Variants in MTDH observed in about 807,000 individuals in gnomAD.
MTDH encodes metadherin, also known as protein LYRIC.
In MTDH, 34 loss-of-function variants were observed where a neutral mutation model predicts 72.7. The ratio of observed to expected loss-of-function variants is 0.47; its 90% CI spans 0.36 to 0.62. The LOEUF is 0.62. Ranked by LOEUF, MTDH falls within the 20% of genes least tolerant of loss-of-function variation. The pLI, the probability that MTDH is intolerant of heterozygous loss-of-function variation, is 0.00. For synonymous variants in MTDH, 266 were observed against 268.9 expected, an observed-to-expected ratio of 0.99 and a Z score of 0.10; for missense variants, 677 against 699.4, an observed-to-expected ratio of 0.97 and a Z score of 0.36.
chr8:97,697,150 A>ATATATTTT, intron 6 of MTDH, among the ~76,000 whole-genome samples: 3 of 68,798 alleles, frequency 4.4e-5, no homozygotes, highest in African/African-American at 2.7e-4. Flanking sequence ...ATATATATAT[A>ATATATTTT]TTTTTTTTTT....
At chr8:97,707,310 C>T (rs558637042) in intron 8 of MTDH, among the ~76,000 whole-genome samples, 47 of 151,802 alleles carry the variant, frequency 3.1e-4, no homozygotes, top group African/African-American at 9.9e-4. Flanking sequence ...ACACTATGCC[C>T]GGCTAATTTT....
intron 8 of MTDH, among the ~76,000 whole-genome samples, chr8:97,707,152 C>CTTTT (rs575001649): frequency 2.3e-5 from 3 of 131,206 alleles, no homozygotes; most frequent in Non-Finnish European, 5.0e-5. Flanking sequence ...GTCTTTTTTT[C>CTTTT]TTTTTTTTTT....
chr8:97,657,355 G>C (rs1224428444), intron 1 of MTDH, among the ~76,000 whole-genome samples: 2 of 152,180 alleles, frequency 1.3e-5, no homozygotes, highest in African/African-American at 4.8e-5. Context: ...AAATAACTTT[G>C]ATTGGCCCTG....
chr8:97,711,801 A>G (rs1165169790), intron 8 of MTDH, among the ~76,000 whole-genome samples: 6 of 152,220 alleles, frequency 3.9e-5, no homozygotes, highest in Non-Finnish European at 7.3e-5. Context: ...ATTTACTGTA[A>G]TAAAAGTTAT....
intron 8 of MTDH, among the ~76,000 whole-genome samples, chr8:97,708,482 A>G (rs1294957628): frequency 7.9e-6 from 1 of 126,014 alleles, no homozygotes; most frequent in African/African-American, 3.4e-5. Context: ...GGTTTTTGCC[A>G]TGTTAGCCAG....
chr8:97,705,021 G>A (rs1814290073), intron 7 of MTDH, among the ~76,000 whole-genome samples: 1 of 152,266 alleles, frequency 6.6e-6, no homozygotes, highest in South Asian at 2.1e-4. Flanking sequence ...GAGTAAGGCC[G>A]GGCACAGTGG....
In MTDH at chr8:97,645,302, C is replaced by CT. The variant is rs1811524381; in HGVS notation, c.381+416dup. 2.6e-5 allele frequency among the ~76,000 whole-genome samples: 4 copies of CT among 152,290 alleles called. No individual in the cohort carries two copies. In the South Asian group the frequency reaches 8.3e-4, roughly 32 times the overall value. ...AAGACTGCGCTCGGAAGACAGATGT[C>CT]TATCTCAAGTCACATTGAGACAGTA... On this transcript the variant is annotated intron_variant, in intron 1 of 11. Coordinates refer to ENST00000336273, the MANE Select transcript of MTDH (RefSeq NM_178812.4).
At chr8:97,723,371 C>G (rs1192215231) in intron 11 of MTDH, among the ~76,000 whole-genome samples, 1 of 151,150 alleles carries the variant, frequency 6.6e-6, no homozygotes, top group East Asian at 2.0e-4. Context: ...GCACTCCAGC[C>G]TGGGCAACAG....
rs374568195 is a variant in MTDH, at chr8:97,644,224, G to C, written c.-283G>C. ...CGCCGAGGGAGGACAGCGGGGCCTG[G>C]CGCTGGCGCCGAGACGCCGCTTAGC... On this transcript the variant is annotated 5_prime_UTR_variant, in exon 1 of 12. Coordinates refer to ENST00000336273, the MANE Select transcript of MTDH (RefSeq NM_178812.4). 81 of 468,994 alleles carry C rather than the reference G, an allele frequency of 1.7e-4. No individual in the cohort carries two copies. Among genetic ancestry groups the C allele is most frequent in the East Asian group, 1.4e-3 (36 of 25,108 alleles). 29.1% of individuals were successfully genotyped at this position (468,994 alleles called of 1,614,324 possible).
intron 1 of MTDH, among the ~76,000 whole-genome samples, chr8:97,647,912 C>T (rs1294812105): frequency 6.6e-6 from 1 of 151,182 alleles, no homozygotes; most frequent in South Asian, 2.1e-4. Flanking sequence ...TGACTGCACT[C>T]CAGCCTGGGC....
chr8:97,688,682 G>A (rs1000803906), intron 4 of MTDH, among the ~76,000 whole-genome samples: 7 of 152,120 alleles, frequency 4.6e-5, no homozygotes, highest in African/African-American at 1.4e-4. Flanking sequence ...AAAAGGCAGC[G>A]GGTGTTGTTG....
At chr8:97,695,430 G>C (rs1001166001) in intron 6 of MTDH, among the ~76,000 whole-genome samples, 1 of 152,072 alleles carries the variant, frequency 6.6e-6, no homozygotes, top group Non-Finnish European at 1.5e-5. Context: ...ACTTGTAAAA[G>C]TTATATAGCA....
chr8:97,711,699 G>A (rs902671674), intron 8 of MTDH, among the ~76,000 whole-genome samples: 11 of 152,090 alleles, frequency 7.2e-5, no homozygotes, highest in Non-Finnish European at 1.6e-4. Flanking sequence ...CAAACCCTAG[G>A]TATACTATGC....
chr8:97,717,813 G>A (rs1380955620), intron 9 of MTDH, among the ~76,000 whole-genome samples: 1 of 152,032 alleles, frequency 6.6e-6, no homozygotes, highest in African/African-American at 2.4e-5. Context: ...GCAGTGGCAC[G>A]ATCTTGGCTC....
rs530868655 is a variant in MTDH at position 97,715,017 on chromosome 8, C to G, written c.1380+1248C>G. On this transcript the variant is annotated intron_variant, in intron 9 of 11. Coordinates refer to ENST00000336273, the MANE Select transcript of MTDH (RefSeq NM_178812.4). ...ATTTTTGTATTTTAGTAGAGACAGG[C>G]TTTCGCCATGTTAGCCAGGCTGGTC... is the stretch of plus-strand genomic sequence containing the variant. Among the ~76,000 whole-genome samples, 56 of 152,024 alleles carry G rather than the reference C, an allele frequency of 3.7e-4. 1 individual carries two copies. The highest frequency in any genetic ancestry group is 1.3e-3 in the African/African-American group (52 of 41,482).
At position 97,686,653 on chromosome 8, in the gene MTDH, C is replaced by T; in HGVS notation, c.484-15C>T. ...ACATAACAAAATATTAAGTAACATT[C>T]TATTTTACTTTCAGTCAAAGAAAAA... On this transcript the variant is annotated splice_polypyrimidine_tract_variant and intron_variant, in intron 2 of 11. Coordinates refer to ENST00000336273, the MANE Select transcript of MTDH (RefSeq NM_178812.4). 3 of 1,476,606 alleles carry T rather than the reference C, an allele frequency of 2.0e-6. No homozygotes were observed. The highest frequency in any genetic ancestry group is 2.8e-6 in the Non-Finnish European group (3 of 1,088,576). 91.5% of individuals were successfully genotyped at this position (1,476,606 alleles called of 1,614,324 possible).
rs554987972 is a variant in MTDH, at chr8:97,703,593, G to A, written c.1148-3033G>A. Among the ~76,000 whole-genome samples the A allele has an allele frequency of 3.7e-4, 56 of 152,088 alleles. 1 individual carries two copies. Among genetic ancestry groups the A allele is most frequent in the Non-Finnish European group, 5.6e-4 (38 of 68,024 alleles). ...ATTTAAGCAAAGCCACTGATAGCTTGGTATGTGAACCTCCTAAAGTATTAT... is the reference window on the plus strand; with the variant it reads ...ATTTAAGCAAAGCCACTGATAGCTTAGTATGTGAACCTCCTAAAGTATTAT... On this transcript the variant is annotated intron_variant, in intron 7 of 11. Coordinates refer to ENST00000336273, the MANE Select transcript of MTDH (RefSeq NM_178812.4).
rs1813138966 is a variant in MTDH, at chr8:97,682,251, T to C, written c.484-4417T>C. On this transcript the variant is annotated intron_variant, in intron 2 of 11. Transcript: ENST00000336273. ...TACTTTATATATATATATATATATA[T>C]ATATATATATATATATATATATATA... 5.2e-4 allele frequency among the ~76,000 whole-genome samples: 3 copies of C among 5,778 alleles called. No individual in the cohort carries two copies. The South Asian group carries it at 0.011, about 21-fold the overall frequency. The allele number at this position is 5,778 out of a possible 152,430, so 3.8% of individuals were successfully genotyped here. A position where few individuals can be genotyped will look rare whatever the true frequency, so the allele number is the denominator to read the frequency against.
Position 97,644,952 on chromosome 8 carries a change from G to C in MTDH, c.381+65G>C, listed in dbSNP as rs1055374791. ...GCGGGCGTGGAGACCCTCGAGCTTG[G>C]GGGAGGCCGCGCCCCAGCCGGGAAG... On this transcript the variant is annotated intron_variant, in intron 1 of 11. Transcript: ENST00000336273. 9 of 1,460,704 alleles carry C rather than the reference G, an allele frequency of 6.2e-6. No homozygotes were observed. The African/African-American group carries it at 7.5e-5, about 12-fold the overall frequency. The allele number at this position is 1,460,704 out of a possible 1,614,324, so 90.5% of individuals were successfully genotyped here.
Sources: gnomAD v4.1 joint callset for allele counts (sites outside exome capture counted in the v4.1 genomes callset) on GRCh38, gnomAD v4.1.1 for gene constraint, MANE v1.5 for transcripts, NCBI Gene and HGNC (gene_info 2026-07-23, HGNC 2026-07-21) for gene names.